STK3: variants seen among roughly 807,000 people sequenced by gnomAD.
STK3 encodes the protein serine/threonine-protein kinase 3.
STK3 carries 41 observed loss-of-function variants against 58.0 expected under a neutral mutation model. That is an observed-to-expected ratio of 0.71 (90% CI 0.55 to 0.92). The LOEUF (loss-of-function observed/expected upper bound fraction) is 0.92. Among genes scored for constraint, STK3 ranks in the 40% least tolerant of loss-of-function variants. The pLI is 0.00. For missense variants in STK3, 479 were observed against 602.7 expected, an observed-to-expected ratio of 0.79 and a Z score of 2.15; for synonymous variants, 170 against 191.0, an observed-to-expected ratio of 0.89 and a Z score of 0.91.
At chr8:98,363,626 C>T in the STK3 span, among the ~76,000 whole-genome samples, 1 of 152,256 alleles carries the variant, frequency 6.6e-6, no homozygotes, top group Non-Finnish European at 1.5e-5. Context: ...CAAATTTCAG[C>T]TCCAGTCCTC....
chr8:98,707,877 AC>A, intron 4 of STK3, among the ~76,000 whole-genome samples: 1 of 152,130 alleles, frequency 6.6e-6, no homozygotes, highest in East Asian at 1.9e-4. Flanking sequence ...GGTGGCTCAC[AC>A]CTGTAATCCC....
the STK3 span, among the ~76,000 whole-genome samples, chr8:98,352,524 T>C: frequency 6.6e-6 from 1 of 152,236 alleles, no homozygotes; most frequent in African/African-American, 2.4e-5. Context: ...AAAATGCCTA[T>C]GGATGACTTG....
At chr8:98,751,037 C>T (rs780050341) in intron 3 of STK3, among the ~76,000 whole-genome samples, 2 of 152,052 alleles carry the variant, frequency 1.3e-5, no homozygotes, top group Non-Finnish European at 2.9e-5. Flanking sequence ...AAAAGGCTTT[C>T]GATAAAATCA....
chr8:98,417,988 C>A (rs1397100763), intron 3 of STK3, among the ~76,000 whole-genome samples: 2 of 152,168 alleles, frequency 1.3e-5, no homozygotes, highest in Non-Finnish European at 2.9e-5. Context: ...TAGCTCACTG[C>A]AGCCTTGAAC....
intron 4 of STK3, among the ~76,000 whole-genome samples, chr8:98,741,903 C>T (rs1434006642): frequency 3.3e-5 from 5 of 152,268 alleles, no homozygotes; most frequent in African/African-American, 7.2e-5. Flanking sequence ...GGGGATATCA[C>T]GACCGATCCC....
intron 3 of STK3, among the ~76,000 whole-genome samples, chr8:98,408,903 T>C (rs1818025906): frequency 6.6e-6 from 1 of 152,226 alleles, no homozygotes; most frequent in Non-Finnish European, 1.5e-5. Flanking sequence ...TCTATCCTAT[T>C]ATCCAGCTGT....
intron 4 of STK3, among the ~76,000 whole-genome samples, chr8:98,718,914 C>G (rs1382446513): frequency 6.6e-6 from 1 of 151,992 alleles, no homozygotes; most frequent in Non-Finnish European, 1.5e-5. Context: ...AAAGGGTCCA[C>G]AAGAATGTTT....
chr8:98,817,678 T>C, intron 1 of STK3, among the ~76,000 whole-genome samples: 1 of 152,106 alleles, frequency 6.6e-6, no homozygotes, highest in African/African-American at 2.4e-5. Flanking sequence ...TGATTCTTTT[T>C]TTCCCCTCAT....
chr8:98,707,457 C>G, intron 4 of STK3, 146 bp from the exon 5 acceptor site: 1 of 609,718 alleles, frequency 1.6e-6, no homozygotes, highest in Non-Finnish European at 2.7e-6. Context: ...GGCTACAGTG[C>G]AGTGGTGTGA....
Position 98,800,230 on chromosome 8 carries a change from C to T in STK3, c.26+25285G>A, listed in dbSNP as rs956803440. Among the ~76,000 whole-genome samples the T allele has an allele frequency of 1.4e-4, 22 of 152,200 alleles. No individual in the cohort carries two copies. Among genetic ancestry groups the T allele is most frequent in the Non-Finnish European group, 2.4e-4 (16 of 68,048 alleles). On this transcript the variant is annotated intron_variant, in intron 1 of 10. Transcript: ENST00000419617. This position sits in a 1 kb window ranked among gnomAD's most constrained non-coding sequence, Gnocchi z 4.8. Reference sequence around the variant, plus strand: ...CAAATGGAACCTCAAATGAGTTCAACTAACAACTTCTACCGAGGACCCCTG... The same window carrying T: ...CAAATGGAACCTCAAATGAGTTCAATTAACAACTTCTACCGAGGACCCCTG...
intron 3 of STK3, among the ~76,000 whole-genome samples, chr8:98,858,031 A>G (rs1836743259): frequency 6.6e-6 from 1 of 151,926 alleles, no homozygotes; most frequent in Admixed American, 6.6e-5. Flanking sequence ...ATGTTTACCA[A>G]TGGCTGGATG....
At chr8:98,508,329 T>TAA (rs1824250020) in intron 10 of STK3, among the ~76,000 whole-genome samples, 1 of 152,196 alleles carries the variant, frequency 6.6e-6, no homozygotes, top group African/African-American at 2.4e-5. Context: ...CACCCTGCTG[T>TAA]AATAATCACC....
intron 3 of STK3, among the ~76,000 whole-genome samples, chr8:98,749,899 T>C (rs1829866122): frequency 6.6e-6 from 1 of 152,104 alleles, no homozygotes; most frequent in African/African-American, 2.4e-5. Flanking sequence ...ATATTAGCAA[T>C]TTAATTTCTA....
chr8:98,686,178 G>A (rs1436006629), intron 6 of STK3, among the ~76,000 whole-genome samples: 3 of 151,940 alleles, frequency 2.0e-5, no homozygotes, highest in African/African-American at 7.3e-5. Flanking sequence ...CTTCCTAACA[G>A]CTCAAGTGGT....
chr8:98,773,883 A>T (rs1350192915), intron 2 of STK3, among the ~76,000 whole-genome samples: 1 of 151,600 alleles, frequency 6.6e-6, no homozygotes, highest in African/African-American at 2.4e-5. Context: ...CACAACCTTC[A>T]CCTTCCGGGT....
chr8:98,849,504 T>C (rs1211809045), intron 3 of STK3, among the ~76,000 whole-genome samples: 1 of 152,160 alleles, frequency 6.6e-6, no homozygotes, highest in Admixed American at 6.5e-5. Flanking sequence ...AATATTTATC[T>C]TATGATTGCA....
intron 1 of STK3, among the ~76,000 whole-genome samples, chr8:98,785,556 C>T (rs374051982): frequency 3.0e-4 from 46 of 152,314 alleles, no homozygotes; most frequent in African/African-American, 1.1e-3. Flanking sequence ...TTTCCCTCTG[C>T]CCCCTCAGGG....
At chr8:98,734,732 T>A (rs1480820821) in intron 4 of STK3, among the ~76,000 whole-genome samples, 5 of 152,102 alleles carry the variant, frequency 3.3e-5, no homozygotes, top group African/African-American at 1.2e-4. Context: ...TAATATAAAT[T>A]GGTTTTTAAA....
intron 9 of STK3, among the ~76,000 whole-genome samples, chr8:98,546,355 A>G (rs1586829005): frequency 6.6e-6 from 1 of 152,260 alleles, no homozygotes; most frequent in East Asian, 1.9e-4. Flanking sequence ...ATCTAAATGA[A>G]TTAGATTCTA....
Sources: allele counts gnomAD v4.1 joint callset (sites outside exome capture counted in the v4.1 genomes callset), GRCh38; gene constraint gnomAD v4.1.1; non-coding constraint Gnocchi (gnomAD v3.1); transcripts MANE v1.5; gene names NCBI Gene and HGNC (gene_info 2026-07-23, HGNC 2026-07-21).